The following WRN variants were observed in gnomAD, a reference collection of about 807,000 sequenced individuals.
The protein encoded by WRN is WRN RecQ like helicase, also known as bifunctional 3'-5' exonuclease/ATP-dependent helicase WRN.
In WRN, 149 loss-of-function variants were observed where a neutral mutation model predicts 180.7. The ratio of observed to expected loss-of-function variants is 0.82; its 90% CI spans 0.72 to 0.94. The LOEUF (loss-of-function observed/expected upper bound fraction) is 0.94, where lower values mean the gene tolerates loss of function less well. Ranked by LOEUF, WRN falls within the 40% of genes least tolerant of loss-of-function variation. WRN has a pLI of 0.00. For missense variants in WRN, 1,661 were observed against 1,700.1 expected, an observed-to-expected ratio of 0.98 and a Z score of 0.40; for synonymous variants, 548 against 568.9, an observed-to-expected ratio of 0.96 and a Z score of 0.52.
intron 34 of WRN, among the ~76,000 whole-genome samples, chr8:31,172,432 T>A (rs117995329): frequency 6.6e-6 from 1 of 152,326 alleles, no homozygotes; most frequent in Non-Finnish European, 1.5e-5. Context: ...GGGAAGTGGA[T>A]CTGTAGTGAT....
intron 11 of WRN, among the ~76,000 whole-genome samples, chr8:31,086,166 G>A (rs1161089471): frequency 6.7e-6 from 1 of 150,282 alleles, no homozygotes; most frequent in Non-Finnish European, 1.5e-5. Flanking sequence ...TCCCCATTAT[G>A]CATTTTTTTA....
chr8:31,122,989 G>A (rs937676441), intron 21 of WRN, among the ~76,000 whole-genome samples: 16 of 148,182 alleles, frequency 1.1e-4, no homozygotes, highest in African/African-American at 3.7e-4. Context: ...GGACCCCCTT[G>A]TCTGCATTTT....
chr8:31,098,587 C>G (rs570761141), intron 17 of WRN, among the ~76,000 whole-genome samples: 11 of 152,090 alleles, frequency 7.2e-5, no homozygotes, highest in Non-Finnish European at 1.3e-4. Context: ...TTTTCCTTTG[C>G]CTTTTGTTGC....
chr8:31,040,803 C>G (rs1811623430), intron 1 of WRN, among the ~76,000 whole-genome samples: 1 of 151,984 alleles, frequency 6.6e-6, no homozygotes, highest in Admixed American at 6.6e-5. Context: ...AATAATGGAG[C>G]AGTTAGCCAA....
chr8:31,049,567 T>G lies in WRN; in HGVS notation c.-76-8805T>G, dbSNP rs909944403. The stretch of plus-strand genomic sequence containing the variant: ...AATTCAGTACTTTTTTTGAGTGAGG[T>G]CCAATGGGTCAGAAAGAAGCATTGG... On this transcript the variant is annotated intron_variant, in intron 1 of 34. Transcript: ENST00000298139. Among the ~76,000 whole-genome samples, 4 of 109,240 alleles carry G rather than the reference T, an allele frequency of 3.7e-5. No homozygotes were observed. In the East Asian group the frequency reaches 1.2e-3, roughly 34 times the overall value. 71.7% of individuals were successfully genotyped at this position (109,240 alleles called of 152,430 possible).
chr8:31,101,024 T>A, intron 18 of WRN, 69 bp downstream of exon 18: 12 of 1,344,870 alleles, frequency 8.9e-6, no homozygotes, highest in Non-Finnish European at 1.3e-5. Context: ...GATTGGGGAG[T>A]GGTAAAGAAG....
chr8:31,104,729 C>T (rs955341591), intron 18 of WRN, among the ~76,000 whole-genome samples: 6 of 152,162 alleles, frequency 3.9e-5, no homozygotes, highest in Admixed American at 2.0e-4. Flanking sequence ...GATTAAATTG[C>T]AGCAGATCCT....
At chr8:31,143,960 C>T (rs891037695) in intron 28 of WRN, among the ~76,000 whole-genome samples, 2 of 152,170 alleles carry the variant, frequency 1.3e-5, no homozygotes, top group Non-Finnish European at 2.9e-5. Flanking sequence ...AGTTGACAAA[C>T]TTGTTCAAGA....
intron 32 of WRN, among the ~76,000 whole-genome samples, chr8:31,155,531 G>A (rs918857571): frequency 6.6e-6 from 1 of 151,410 alleles, no homozygotes; most frequent in African/African-American, 2.4e-5. Context: ...CGGAGACATG[G>A]GACTTGCATG....
chr8:31,111,135 A>G (rs908656249), intron 18 of WRN, among the ~76,000 whole-genome samples: 8 of 152,128 alleles, frequency 5.3e-5, no homozygotes, highest in Non-Finnish European at 1.0e-4. Context: ...GTGAAGCCAT[A>G]AACCTATATA....
chr8:31,073,218 C>G (rs1336182119), intron 7 of WRN, among the ~76,000 whole-genome samples: 2 of 152,144 alleles, frequency 1.3e-5, no homozygotes, highest in Non-Finnish European at 2.9e-5. Context: ...AGTTAGGAGG[C>G]TATTGTAACA....
chr8:31,069,291 T>G (rs1812822551), intron 7 of WRN, among the ~76,000 whole-genome samples: 1 of 152,212 alleles, frequency 6.6e-6, no homozygotes, highest in Non-Finnish European at 1.5e-5. Context: ...CTCCTTTATA[T>G]GTTAAGGTAG....
chr8:31,140,651 CAT>C (rs930256466), intron 24 of WRN, among the ~76,000 whole-genome samples: 8 of 152,222 alleles, frequency 5.3e-5, no homozygotes, highest in African/African-American at 1.7e-4. Flanking sequence ...TGCAGTGTAT[CAT>C]GTGCAAAAGC....
At chr8:31,100,091 A>G (rs1379634693) in intron 17 of WRN, among the ~76,000 whole-genome samples, 1 of 152,228 alleles carries the variant, frequency 6.6e-6, no homozygotes, top group East Asian at 1.9e-4. Context: ...ATTCTTAAGT[A>G]TCAATTTGTT....
At chr8:31,042,150 G>C (rs1811684110) in intron 1 of WRN, among the ~76,000 whole-genome samples, 1 of 152,086 alleles carries the variant, frequency 6.6e-6, no homozygotes, top group Non-Finnish European at 1.5e-5. Flanking sequence ...TGGAGAGTGG[G>C]ATATATGGAA....
intron 34 of WRN, among the ~76,000 whole-genome samples, chr8:31,172,139 TTG>T (rs560889099): frequency 6.6e-5 from 10 of 150,816 alleles, no homozygotes; most frequent in South Asian, 2.1e-4. Flanking sequence ...AACACTACCT[TTG>T]TGTGTGTGTG....
At position 31,124,888 on chromosome 8, in the gene WRN, T is replaced by A; in HGVS notation, c.2733-20T>A. 6.2e-7 allele frequency: 1 copy of A among 1,604,042 alleles called. No homozygotes were observed. Among genetic ancestry groups the A allele is most frequent in the Non-Finnish European group, 8.5e-7 (1 of 1,171,808 alleles). Reference sequence around the variant, plus strand: ...TACGTTTCTGTTCTTTTATTTAATTTAAAATTTTGTCTTGGGTAGAATCAT... The same window carrying A: ...TACGTTTCTGTTCTTTTATTTAATTAAAAATTTTGTCTTGGGTAGAATCAT... On this transcript the variant is annotated intron_variant, in intron 22 of 34. Transcript: ENST00000298139.
At chr8:31,155,212 G>C (rs1457778433) in intron 32 of WRN, among the ~76,000 whole-genome samples, 1 of 152,190 alleles carries the variant, frequency 6.6e-6, no homozygotes, top group Non-Finnish European at 1.5e-5. Flanking sequence ...ATACACACTG[G>C]ATCTCTGCAA....
chr8:31,149,730 C>A (rs1052585612), intron 30 of WRN, among the ~76,000 whole-genome samples: 2 of 151,964 alleles, frequency 1.3e-5, no homozygotes, highest in East Asian at 3.9e-4. Flanking sequence ...CCGCCCCGGC[C>A]TCCCAAATTG....
Sources: allele counts gnomAD v4.1 joint callset (sites outside exome capture counted in the v4.1 genomes callset), GRCh38; gene constraint gnomAD v4.1.1; transcripts MANE v1.5; gene names NCBI Gene and HGNC (gene_info 2026-07-23, HGNC 2026-07-21).